ATP13A4: variants seen among roughly 807,000 people sequenced by gnomAD.
ATP13A4 encodes probable cation-transporting ATPase 13A4.
A neutral mutation model predicts 142.5 loss-of-function variants in ATP13A4; 114 were observed. The observed-to-expected ratio is 0.80, with a 90% CI of 0.69 to 0.93. ATP13A4 has a LOEUF of 0.93. Among genes scored for constraint, ATP13A4 ranks in the 40% least tolerant of loss-of-function variants. ATP13A4 has a pLI of 0.00. For synonymous variants in ATP13A4, 488 were observed against 514.8 expected (o/e 0.95, Z 0.70); for missense variants, 1,392 against 1,454.0 (o/e 0.96, Z 0.69).
intron 25 of ATP13A4, among the ~76,000 whole-genome samples, chr3:193,419,449 G>A (rs1429260383): frequency 6.7e-6 from 1 of 150,016 alleles, no homozygotes; most frequent in Non-Finnish European, 1.5e-5. Flanking sequence ...TGGGAAAATG[G>A]TACTTTGGCT....
At chr3:193,415,750 G>C (rs1409071019) in intron 25 of ATP13A4, among the ~76,000 whole-genome samples, 1 of 151,344 alleles carries the variant, frequency 6.6e-6, no homozygotes, top group South Asian at 2.1e-4. Flanking sequence ...CAGTTGCCTA[G>C]GGCAAAAAAA....
chr3:193,571,331 T>C (rs940300368), intron 2 of ATP13A4, among the ~76,000 whole-genome samples: 4 of 138,196 alleles, frequency 2.9e-5, no homozygotes, highest in Non-Finnish European at 4.6e-5. Context: ...AAATAAACAA[T>C]TGAATAAATA....
chr3:193,538,164 C>T (rs1418448075), intron 1 of ATP13A4, among the ~76,000 whole-genome samples: 2 of 152,004 alleles, frequency 1.3e-5, no homozygotes, highest in South Asian at 2.1e-4. Flanking sequence ...TATGGATCTC[C>T]GAATATCTTT....
At chr3:193,405,250 A>T (rs1006077907) in intron 29 of ATP13A4, among the ~76,000 whole-genome samples, 54 of 152,212 alleles carry the variant, frequency 3.5e-4, no homozygotes, top group Non-Finnish European at 7.3e-5. Context: ...CTTCATTACC[A>T]TACAGCCCAT....
At chr3:193,489,308 G>GGAGTTGGAC (rs1470444147) in intron 7 of ATP13A4, among the ~76,000 whole-genome samples, 1 of 152,062 alleles carries the variant, frequency 6.6e-6, no homozygotes, top group Non-Finnish European at 1.5e-5. Context: ...AAGAAAGTCA[G>GGAGTTGGAC]GAGTTGGACT....
upstream of ATP13A4, among the ~76,000 whole-genome samples, chr3:193,557,980 G>A (rs1299676158): frequency 6.6e-6 from 1 of 152,224 alleles, no homozygotes; most frequent in African/African-American, 2.4e-5. Context: ...AAGAAGAGGG[G>A]AGTGACATGT....
At chr3:193,481,576 C>A (rs961731403) in intron 8 of ATP13A4, among the ~76,000 whole-genome samples, 1 of 152,074 alleles carries the variant, frequency 6.6e-6, no homozygotes, top group Admixed American at 6.6e-5. Context: ...TAAAACAGAG[C>A]TACATTTTAA....
In ATP13A4 at chr3:193,438,481, A is replaced by G; in HGVS notation, c.2666T>C (p.Leu889Pro). 3 of 1,608,326 alleles carry G rather than the reference A, an allele frequency of 1.9e-6. No homozygotes were observed. Among genetic ancestry groups the G allele is most frequent in the Non-Finnish European group, 2.6e-6 (3 of 1,174,688 alleles). The change falls in exon 23 of 30, where the codon CTT (leucine) becomes CCT (proline). Residue 889 changes from leucine to proline, a missense_variant. Physicochemically the swap from Leu to Pro is moderately conservative, Grantham distance 98. Coordinates refer to ENST00000342695, the MANE Select transcript of ATP13A4 (RefSeq NM_032279.4). Reference sequence around the variant, plus strand: ...TGAGGAAGTGCCTACTTACTTGATAAGGTGAGGTACGCACTCAATGTTTGG... The same window carrying G: ...TGAGGAAGTGCCTACTTACTTGATAGGGTGAGGTACGCACTCAATGTTTGG... ...KTPNIECVPH[L>P]IKEGRAALVT...
chr3:193,526,219 G>T (rs1361497961), intron 1 of ATP13A4, among the ~76,000 whole-genome samples: 2 of 152,086 alleles, frequency 1.3e-5, no homozygotes, highest in African/African-American at 4.8e-5. Flanking sequence ...CAATGATAGA[G>T]TGGATAAAGA....
At chr3:193,585,393 C>T (rs777021957) in intron 1 of ATP13A4, among the ~76,000 whole-genome samples, 3 of 152,100 alleles carry the variant, frequency 2.0e-5, no homozygotes, top group Non-Finnish European at 4.4e-5. Context: ...GCACTCCAGC[C>T]TGGGCAACAA....
upstream of ATP13A4, among the ~76,000 whole-genome samples, chr3:193,559,748 G>C (rs1460311521): frequency 6.6e-6 from 1 of 152,080 alleles, no homozygotes; most frequent in Non-Finnish European, 1.5e-5. Flanking sequence ...AGTGCCTTGG[G>C]GTGGCCTGTT....
At chr3:193,474,067 C>A (rs1254276192) in intron 8 of ATP13A4, among the ~76,000 whole-genome samples, 4 of 151,988 alleles carry the variant, frequency 2.6e-5, no homozygotes, top group Non-Finnish European at 5.9e-5. Flanking sequence ...CACCTGTAAT[C>A]CTAGCACTTT....
At chr3:193,515,692 T>C (rs1721372737) in intron 1 of ATP13A4, among the ~76,000 whole-genome samples, 1 of 152,168 alleles carries the variant, frequency 6.6e-6, no homozygotes, top group South Asian at 2.1e-4. Context: ...ATATATAATC[T>C]AGACAAACGT....
At chr3:193,524,254 A>T (rs1167423848) in intron 1 of ATP13A4, among the ~76,000 whole-genome samples, 1 of 152,200 alleles carries the variant, frequency 6.6e-6, no homozygotes, top group Non-Finnish European at 1.5e-5. Context: ...GCCAAATCTG[A>T]CAGAAGTGTG....
At chr3:193,480,106 A>G (rs1719202320) in intron 8 of ATP13A4, among the ~76,000 whole-genome samples, 7 of 152,306 alleles carry the variant, frequency 4.6e-5, no homozygotes, top group Admixed American at 4.6e-4. Context: ...CTTATAAAAA[A>G]TCAACTCAAG....
chr3:193,506,453 A>C (rs1720864884), intron 2 of ATP13A4, among the ~76,000 whole-genome samples: 1 of 152,242 alleles, frequency 6.6e-6, no homozygotes, highest in Admixed American at 6.5e-5. Flanking sequence ...GAATGTATAC[A>C]AAGGACCAGT....
At chr3:193,474,719 AG>A (rs1234681905) in intron 8 of ATP13A4, among the ~76,000 whole-genome samples, 11 of 111,424 alleles carry the variant, frequency 9.9e-5, no homozygotes, top group East Asian at 5.4e-4. Flanking sequence ...GGAAAGAGAG[AG>A]AGAAAGAAAG....
At chr3:193,464,867 G>A (rs1718170268) in intron 12 of ATP13A4, 73 bp downstream of exon 12, 3 of 1,496,414 alleles carry the variant, frequency 2.0e-6, no homozygotes, top group African/African-American at 1.4e-5. Context: ...GCCTTGCAAG[G>A]GGGTAAAAGT....
At chr3:193,567,176 T>C (rs971060352) in intron 2 of ATP13A4, among the ~76,000 whole-genome samples, 1 of 152,014 alleles carries the variant, frequency 6.6e-6, no homozygotes, top group Non-Finnish European at 1.5e-5. Context: ...AAAATGATAA[T>C]TAAATATTAA....
Sources: gnomAD v4.1 joint callset for allele counts (sites outside exome capture counted in the v4.1 genomes callset) on GRCh38, gnomAD v4.1.1 for gene constraint, MANE v1.5 for transcripts, NCBI Gene and HGNC (gene_info 2026-07-23, HGNC 2026-07-21) for gene names.